RAPGEF4: variants seen among roughly 807,000 people sequenced by gnomAD.
RAPGEF4 encodes RAP guanine-nucleotide-exchange factor (GEF) 4.
RAPGEF4 carries 66 observed loss-of-function variants against 147.9 expected under a neutral mutation model. That is an observed-to-expected ratio of 0.45 (90% CI 0.37 to 0.55). The LOEUF (loss-of-function observed/expected upper bound fraction) is 0.55. Among genes scored for constraint, RAPGEF4 ranks in the 20% least tolerant of loss-of-function variants. RAPGEF4 has a pLI of 0.00. For missense variants in RAPGEF4, 1,071 were observed against 1,257.3 expected, an observed-to-expected ratio of 0.85 and a Z score of 2.24; for synonymous variants, 419 against 442.7, an observed-to-expected ratio of 0.95 and a Z score of 0.67.
rs975086559 is a variant in RAPGEF4 at position 172,961,322 on chromosome 2, C to T, written c.698+94C>T. 218 of 1,015,108 alleles carry T rather than the reference C, an allele frequency of 2.1e-4. No individual in the cohort carries two copies. The Admixed American group carries it at 4.4e-3, about 20-fold the overall frequency. 62.9% of individuals were successfully genotyped at this position (1,015,108 alleles called of 1,614,324 possible). On this transcript the variant is annotated intron_variant, in intron 8 of 30. Coordinates refer to ENST00000397081, the MANE Select transcript of RAPGEF4 (RefSeq NM_007023.4). The stretch of plus-strand genomic sequence containing the variant: ...CTTCTCCCTGTTTTCCATGTGGGCG[C>T]AGCCCATTTTGTAATGCCTTCAGGT...
At chr2:172,796,004 C>T (rs960246373) in intron 2 of RAPGEF4, among the ~76,000 whole-genome samples, 1 of 152,206 alleles carries the variant, frequency 6.6e-6, no homozygotes, top group Non-Finnish European at 1.5e-5. Flanking sequence ...CTCCCAGCAG[C>T]CTTCTTGTAT....
intron 1 of RAPGEF4, among the ~76,000 whole-genome samples, chr2:172,779,288 C>G (rs1684464314): frequency 6.6e-6 from 1 of 152,192 alleles, no homozygotes; most frequent in Admixed American, 6.5e-5. Flanking sequence ...TAAAGCAATG[C>G]AGGGTAAGGG....
At chr2:172,768,650 C>G (rs1336926269) in intron 1 of RAPGEF4, among the ~76,000 whole-genome samples, 2 of 152,186 alleles carry the variant, frequency 1.3e-5, no homozygotes, top group Non-Finnish European at 2.9e-5. Context: ...ACATTCTTCA[C>G]TGTTTCTGCA....
intron 1 of RAPGEF4, among the ~76,000 whole-genome samples, chr2:172,739,966 GT>G (rs1199642652): frequency 1.3e-5 from 2 of 152,308 alleles, no homozygotes; most frequent in African/African-American, 4.8e-5. Context: ...AAGAAGATCA[GT>G]ATTTTGTGAC....
At chr2:172,735,352 G>C (rs1196029059), upstream of RAPGEF4, 1 of 151,506 alleles carries the variant, frequency 6.6e-6, no homozygotes, top group Non-Finnish European at 1.5e-5. Context: ...GCGTCCCCAC[G>C]CCAAGCCTTC....
At chr2:172,846,465 C>T (rs978937793) in intron 4 of RAPGEF4, among the ~76,000 whole-genome samples, 2 of 152,188 alleles carry the variant, frequency 1.3e-5, no homozygotes, top group African/African-American at 4.8e-5. Context: ...GGATATACCA[C>T]ATTTTATCTA....
intron 17 of RAPGEF4, among the ~76,000 whole-genome samples, chr2:173,011,167 C>CGG (rs1176776391): frequency 1.0e-5 from 1 of 96,838 alleles, no homozygotes; most frequent in Admixed American, 1.0e-4. Context: ...TCAGCGCGCG[C>CGG]GCGCACACAC....
chr2:172,851,834 A>T (rs1468790594), intron 4 of RAPGEF4, among the ~76,000 whole-genome samples: 1 of 152,202 alleles, frequency 6.6e-6, no homozygotes, highest in Admixed American at 6.5e-5. Context: ...GGTGAAGATT[A>T]AAAAAGTACC....
intron 16 of RAPGEF4, among the ~76,000 whole-genome samples, chr2:173,000,255 G>A (rs1488733936): frequency 6.6e-6 from 1 of 152,178 alleles, no homozygotes; most frequent in African/African-American, 2.4e-5. Flanking sequence ...ATGTATAATG[G>A]TTAAACCTTT....
chr2:173,032,615 C>T lies in RAPGEF4; in HGVS notation c.2650-1299C>T, dbSNP rs202033582. ...GGTGAGATCCTGGCATCCCTTGATG[C>T]CCATCCCAGCTTTCAGCCCTTTGAA... On this transcript the variant is annotated intron_variant, in intron 26 of 30. Transcript: ENST00000397081. Among the ~76,000 whole-genome samples the T allele has an allele frequency of 2.0e-5, 3 of 152,232 alleles. No homozygotes were observed. The East Asian group carries it at 5.8e-4, about 29-fold the overall frequency.
At chr2:172,925,951 AG>A (rs1355864687) in intron 6 of RAPGEF4, among the ~76,000 whole-genome samples, 38 of 98,532 alleles carry the variant, frequency 3.9e-4, no homozygotes, top group Middle Eastern at 0.012. Context: ...GGAAGGAAGG[AG>A]GGGGAGGGGG....
intron 10 of RAPGEF4, among the ~76,000 whole-genome samples, chr2:172,972,845 C>T (rs1690638861): frequency 6.6e-6 from 1 of 152,148 alleles, no homozygotes; most frequent in Non-Finnish European, 1.5e-5. Context: ...TTGGAAACCA[C>T]TGACAAGAGT....
chr2:172,814,261 G>A lies in RAPGEF4; in HGVS notation c.298-18G>A. 6.2e-7 allele frequency: 1 copy of A among 1,613,350 alleles called. No individual in the cohort carries two copies. Among genetic ancestry groups the A allele is most frequent in the Non-Finnish European group, 8.5e-7 (1 of 1,179,358 alleles). ...TAGATGTTTAATTTTCTAATGACTA[G>A]TTTTTTGGGATCCTCAGGATGCTGT... On this transcript the variant is annotated intron_variant, in intron 3 of 30. Coordinates refer to ENST00000397081, the MANE Select transcript of RAPGEF4 (RefSeq NM_007023.4).
At chr2:172,917,602 A>G (rs1215666599) in intron 4 of RAPGEF4, 200 bp from the exon 5 acceptor site, 10 of 679,064 alleles carry the variant, frequency 1.5e-5, no homozygotes, top group Non-Finnish European at 2.4e-5. Context: ...GGGCACATTC[A>G]GTCTTATTCA....
At position 172,850,231 on chromosome 2, in the gene RAPGEF4, C is replaced by A. The variant is rs192444618; in HGVS notation, c.444+35806C>A. Reference sequence around the variant, plus strand: ...GTTTAAAGGAAACAAAGGAAAAATTCTTTTCATCTTATTTGACTCAGAAAA... The same window carrying A: ...GTTTAAAGGAAACAAAGGAAAAATTATTTTCATCTTATTTGACTCAGAAAA... On this transcript the variant is annotated intron_variant, in intron 4 of 30. Transcript: ENST00000397081. 1.4e-4 allele frequency among the ~76,000 whole-genome samples: 21 copies of A among 152,104 alleles called. No individual in the cohort carries two copies. The East Asian group carries it at 4.0e-3, about 29-fold the overall frequency.
intron 8 of RAPGEF4, among the ~76,000 whole-genome samples, chr2:172,962,700 A>G (rs1689421245): frequency 6.6e-6 from 1 of 152,082 alleles, no homozygotes; most frequent in Admixed American, 6.6e-5. Context: ...TGGAAATGAG[A>G]TGAGACTTGA....
Position 172,902,669 on chromosome 2 carries a change from C to T in RAPGEF4, c.445-15133C>T, listed in dbSNP as rs372704143. On this transcript the variant is annotated intron_variant, in intron 4 of 30. Transcript: ENST00000397081. Reference sequence around the variant, plus strand: ...AAAGCACCACTTTCATTATTGACACCTCCTAGCCTTTATGCTGGGGAAATG... The same window carrying T: ...AAAGCACCACTTTCATTATTGACACTTCCTAGCCTTTATGCTGGGGAAATG... Among the ~76,000 whole-genome samples the T allele has an allele frequency of 9.7e-4, 147 of 152,284 alleles. No homozygotes were observed. In the South Asian group the frequency reaches 0.017, roughly 18 times the overall value.
chr2:173,048,616 C>T lies in RAPGEF4; in HGVS notation c.2870C>T (p.Thr957Met), dbSNP rs1284779968. 6.8e-6 allele frequency: 11 copies of T among 1,613,890 alleles called. No homozygotes were observed. Among genetic ancestry groups the T allele is most frequent in the Middle Eastern group, 3.3e-4 (2 of 6,084 alleles). Reference sequence around the variant, plus strand: ...TCCTTTTAGCGCATGATTGCAAATACGGCCAGAACAGTGAGATACTACAGG... The same window carrying T: ...TCCTTTTAGCGCATGATTGCAAATATGGCCAGAACAGTGAGATACTACAGG... ...NFEKMRMIAN[T>M]ARTVRYYRSQ... The change falls in exon 30 of 31, where the codon ACG becomes ATG. Residue 957 changes from threonine (T) to methionine (M), a missense_variant. Coordinates refer to ENST00000397081, the MANE Select transcript of RAPGEF4 (RefSeq NM_007023.4).
At chr2:172,875,597 A>G (rs1175531421) in intron 4 of RAPGEF4, among the ~76,000 whole-genome samples, 1 of 152,040 alleles carries the variant, frequency 6.6e-6, no homozygotes, top group Non-Finnish European at 1.5e-5. Context: ...GTTCTGTTCC[A>G]TTGTTCTATA....
Sources: allele counts gnomAD v4.1 joint callset (sites outside exome capture counted in the v4.1 genomes callset), GRCh38; gene constraint gnomAD v4.1.1; transcripts MANE v1.5; gene names NCBI Gene and HGNC (gene_info 2026-07-23, HGNC 2026-07-21).